Variants in GIGYF2 observed in about 807,000 individuals in gnomAD.
GIGYF2 encodes the protein GRB10-interacting GYF protein 2.
A neutral mutation model predicts 208.1 loss-of-function variants in GIGYF2; 25 were observed. The ratio of observed to expected loss-of-function variants is 0.12; its 90% CI spans 0.09 to 0.17. The LOEUF (loss-of-function observed/expected upper bound fraction) is 0.17. Among genes scored for constraint, GIGYF2 ranks in the 10% least tolerant of loss-of-function variants. The pLI is 1.00. For synonymous variants in GIGYF2, 534 were observed against 543.8 expected, an observed-to-expected ratio of 0.98 and a Z score of 0.25; for missense variants, 1,302 against 1,579.4, an observed-to-expected ratio of 0.82 and a Z score of 2.98.
chr2:232,850,926 G>T (rs7602140), intron 28 of GIGYF2, among the ~76,000 whole-genome samples: 35 of 152,096 alleles, frequency 2.3e-4, no homozygotes, highest in Admixed American at 6.5e-5. Context: ...CACAGAGATT[G>T]AGAACATTTC....
chr2:232,721,734 T>C (rs1293516773), intron 2 of GIGYF2, among the ~76,000 whole-genome samples: 1 of 152,198 alleles, frequency 6.6e-6, no homozygotes, highest in Admixed American at 6.5e-5. Context: ...TGCATCTCTC[T>C]TCCCTTCCTT....
chr2:232,703,971 C>A (rs1251972341), intron 2 of GIGYF2, among the ~76,000 whole-genome samples: 2 of 152,202 alleles, frequency 1.3e-5, no homozygotes, highest in Non-Finnish European at 2.9e-5. Context: ...CCACTTAATT[C>A]TTGGAGCCAC....
chr2:232,756,427 A>C (rs1698544565), intron 6 of GIGYF2, 93 bp downstream of exon 6: 1 of 657,442 alleles, frequency 1.5e-6, no homozygotes, highest in Non-Finnish European at 2.6e-6. Context: ...TTTAATAAAA[A>C]CTGTTCTTTG....
intron 8 of GIGYF2, chr2:232,771,430 T>G: frequency 8.1e-7 from 1 of 1,233,548 alleles, no homozygotes; most frequent in South Asian, 1.4e-5. Context: ...AGTTAATGTT[T>G]GTGAATTTGG....
intron 20 of GIGYF2, among the ~76,000 whole-genome samples, chr2:232,818,832 A>G (rs913291896): frequency 6.6e-6 from 1 of 152,132 alleles, no homozygotes; most frequent in Non-Finnish European, 1.5e-5. Flanking sequence ...TAATAAGTTG[A>G]CCAATTCCCT....
chr2:232,724,154 C>T (rs1049955296), intron 2 of GIGYF2, among the ~76,000 whole-genome samples: 3 of 151,718 alleles, frequency 2.0e-5, no homozygotes, highest in Non-Finnish European at 4.4e-5. Flanking sequence ...GATTCTCCTG[C>T]CTCAGCCTTC....
chr2:232,768,636 T>G, intron 8 of GIGYF2: 1 of 1,614,110 alleles, frequency 6.2e-7, no homozygotes, highest in Middle Eastern at 1.6e-4. Context: ...TTTGCCATTT[T>G]CTCTTTCCTG....
chr2:232,722,747 T>C (rs1697002244), intron 2 of GIGYF2: 1 of 152,150 alleles, frequency 6.6e-6, no homozygotes, highest in Non-Finnish European at 1.5e-5. Flanking sequence ...CTGACGGTAC[T>C]TTCTGTATTA....
intron 6 of GIGYF2, among the ~76,000 whole-genome samples, chr2:232,759,244 G>A (rs944651148): frequency 1.3e-5 from 2 of 152,148 alleles, no homozygotes; most frequent in African/African-American, 4.8e-5. Flanking sequence ...GCTTTGGGAT[G>A]CATTCATCAA....
At chr2:232,850,809 A>G (rs1690283185) in intron 28 of GIGYF2, among the ~76,000 whole-genome samples, 2 of 152,256 alleles carry the variant, frequency 1.3e-5, no homozygotes, top group Admixed American at 6.5e-5. Context: ...TGTTCCAAGA[A>G]GAGAACCAGT....
chr2:232,759,445 T>G (rs963246211), intron 6 of GIGYF2, among the ~76,000 whole-genome samples: 3 of 151,772 alleles, frequency 2.0e-5, no homozygotes, highest in Admixed American at 1.3e-4. Context: ...AAGCTAAAAG[T>G]GCATACGGTC....
Position 232,756,218 on chromosome 2 carries a change from G to A in GIGYF2, c.268-5G>A. ...TTCTCTTTTTTTTTTTTTTTTTTTT[G>A]GCAGAGAAACTTTTCCATGTCTGTA... On this transcript the variant is annotated splice_region_variant and splice_polypyrimidine_tract_variant and intron_variant, in intron 5 of 28. Transcript: ENST00000373563. The A allele has an allele frequency of 6.9e-6, 3 of 436,120 alleles. No homozygotes were observed. The highest frequency in any genetic ancestry group is 9.4e-6 in the Non-Finnish European group (3 of 317,546). 27.0% of individuals were successfully genotyped at this position (436,120 alleles called of 1,614,324 possible). A position where few individuals can be genotyped will look rare whatever the true frequency, so the allele number is the denominator to read the frequency against.
chr2:232,847,922 A>G (rs1184437144), intron 27 of GIGYF2, among the ~76,000 whole-genome samples: 2 of 152,224 alleles, frequency 1.3e-5, no homozygotes, highest in Non-Finnish European at 2.9e-5. Flanking sequence ...GATGCACTGT[A>G]TTGAGTACTG....
chr2:232,711,587 ATTTCT>A (rs1397454689), intron 2 of GIGYF2, among the ~76,000 whole-genome samples: 5 of 150,956 alleles, frequency 3.3e-5, no homozygotes, highest in East Asian at 1.9e-4. Context: ...CTTTTTACAG[ATTTCT>A]TTTATGTCTT....
chr2:232,745,908 A>G (rs1425984318), intron 3 of GIGYF2, among the ~76,000 whole-genome samples: 1 of 152,210 alleles, frequency 6.6e-6, no homozygotes, highest in Non-Finnish European at 1.5e-5. Flanking sequence ...GAAATGCAAA[A>G]GACAGAAAAA....
At position 232,832,848 on chromosome 2, in the gene GIGYF2, T is replaced by C; in HGVS notation, c.2530-9T>C. ...AATTTTTATATCTTTAATTTTTCCT[T>C]CTGGAAAGGAAGAGGAGGCTGCAAA... is the stretch of plus-strand genomic sequence containing the variant. On this transcript the variant is annotated splice_polypyrimidine_tract_variant and intron_variant, in intron 21 of 28. Transcript: ENST00000373563. 6.5e-7 allele frequency: 1 copy of C among 1,542,390 alleles called. No homozygotes were observed. Among genetic ancestry groups the C allele is most frequent in the South Asian group, 1.2e-5 (1 of 83,026 alleles).
At chr2:232,783,597 A>G (rs1426757051) in intron 8 of GIGYF2, among the ~76,000 whole-genome samples, 3 of 152,216 alleles carry the variant, frequency 2.0e-5, no homozygotes, top group African/African-American at 7.2e-5. Flanking sequence ...AGAAATTTCT[A>G]TAAAGGAGCT....
At chr2:232,753,695 G>C (rs1698420572) in intron 5 of GIGYF2, among the ~76,000 whole-genome samples, 1 of 152,152 alleles carries the variant, frequency 6.6e-6, no homozygotes, top group Non-Finnish European at 1.5e-5. Flanking sequence ...AAATATCCCT[G>C]TCTACATTAT....
intron 22 of GIGYF2, among the ~76,000 whole-genome samples, chr2:232,834,252 G>A (rs1044053496): frequency 3.3e-5 from 5 of 152,128 alleles, no homozygotes; most frequent in Non-Finnish European, 5.9e-5. Flanking sequence ...ATACAGTATG[G>A]TGAGTATAGT....
Sources: gnomAD v4.1 joint callset for allele counts (sites outside exome capture counted in the v4.1 genomes callset) on GRCh38, gnomAD v4.1.1 for gene constraint, MANE v1.5 for transcripts, NCBI Gene and HGNC (gene_info 2026-07-23, HGNC 2026-07-21) for gene names.